Variants in TBC1D30 observed in about 807,000 individuals in gnomAD.
TBC1D30 encodes the protein TBC1 domain family, member 30.
Under a neutral mutation model 63.2 loss-of-function variants are expected in TBC1D30, and 31 were observed. That is an observed-to-expected ratio of 0.49 (90% CI 0.37 to 0.66). The LOEUF is 0.66. TBC1D30 is among the 30% of genes least tolerant of loss of function. TBC1D30 has a pLI of 0.00. For synonymous variants in TBC1D30, 307 were observed against 361.5 expected (o/e 0.85, Z 1.71); for missense variants, 810 against 953.6 (o/e 0.85, Z 1.98).
chr12:64,869,513 C>T (rs938458214), intron 10 of TBC1D30, among the ~76,000 whole-genome samples: 1 of 152,284 alleles, frequency 6.6e-6, no homozygotes, highest in East Asian at 1.9e-4. Flanking sequence ...CTTCTACCCC[C>T]TTTCTTATTG....
chr12:64,826,069 CT>C (rs75131281), intron 1 of TBC1D30, among the ~76,000 whole-genome samples: 3,868 of 150,096 alleles, frequency 0.026, 71 homozygotes, highest in Middle Eastern at 0.052. Context: ...TCCTTTACCT[CT>C]TTTTTTTTTC....
At chr12:64,805,824 C>G (rs1872836107) in intron 2 of TBC1D30, among the ~76,000 whole-genome samples, 1 of 151,884 alleles carries the variant, frequency 6.6e-6, no homozygotes, top group Non-Finnish European at 1.5e-5. Context: ...CAGAGTGAGA[C>G]TCTGTCTCAA....
Position 64,830,503 on chromosome 12 carries a change from G to A in TBC1D30, c.408+1G>A, listed in dbSNP as rs766834131. On this transcript the variant is annotated splice_donor_variant, in intron 4 of 11. Transcript: ENST00000539867. LOFTEE classifies it high-confidence loss of function. ...CTCCATGGGAATTCAGATAGTCAAG[G>A]TAATGCCCCTGAACTTGGCCTGTCA... 1.3e-6 allele frequency: 2 copies of A among 1,527,410 alleles called. No individual in the cohort carries two copies. Among genetic ancestry groups the A allele is most frequent in the Non-Finnish European group, 1.8e-6 (2 of 1,140,598 alleles). The allele number at this position is 1,527,410 out of a possible 1,614,324, so 94.6% of individuals were successfully genotyped here. A position where few individuals can be genotyped will look rare whatever the true frequency, so the allele number is the denominator to read the frequency against.
intron 1 of TBC1D30, among the ~76,000 whole-genome samples, chr12:64,772,116 G>T (rs987038733): frequency 1.3e-5 from 2 of 151,840 alleles, no homozygotes; most frequent in East Asian, 2.0e-4. Context: ...TTAGCTGGGC[G>T]TGGTGGCACA....
chr12:64,790,869 TA>T (rs1227275707), intron 2 of TBC1D30, among the ~76,000 whole-genome samples: 2 of 152,158 alleles, frequency 1.3e-5, no homozygotes, highest in Non-Finnish European at 2.9e-5. Context: ...CATTTTCCAC[TA>T]AAAGACAATT....
Position 64,876,656 on chromosome 12 carries a change from A to G in TBC1D30, c.*868A>G, listed in dbSNP as rs7311657. On this transcript the variant is annotated 3_prime_UTR_variant, in exon 12 of 12. Transcript: ENST00000539867. ...CAGCTCACTCACCCACCAGCTCTAG[A>G]CTGCAGACGCACAAGGCCTCTGCTC... The G allele has an allele frequency of 0.46, 182,925 of 396,660 alleles. 44,095 individuals carry two copies. The highest frequency in any genetic ancestry group is 0.75 in the East Asian group (10,372 of 13,920). The allele number at this position is 396,660 out of a possible 1,614,324, so 24.6% of individuals were successfully genotyped here. A position where few individuals can be genotyped will look rare whatever the true frequency, so the allele number is the denominator to read the frequency against.
At chr12:64,810,652 A>G (rs1350144) in intron 2 of TBC1D30, among the ~76,000 whole-genome samples, 83,268 of 152,076 alleles carry the variant, frequency 0.55, 24,081 homozygotes, top group East Asian at 0.9. Flanking sequence ...TACTGACCTA[A>G]TGCTATGTAA....
At chr12:64,784,319 T>G (rs1166650238) in intron 1 of TBC1D30, among the ~76,000 whole-genome samples, 1 of 152,088 alleles carries the variant, frequency 6.6e-6, no homozygotes, top group African/African-American at 2.4e-5. Context: ...CCAAAAGCAG[T>G]CCTTTTTAAC....
In TBC1D30 at chr12:64,836,476, C is replaced by A; in HGVS notation, c.595-14C>A. On this transcript the variant is annotated splice_polypyrimidine_tract_variant and intron_variant, in intron 5 of 11. Coordinates refer to ENST00000539867, the MANE Select transcript of TBC1D30 (RefSeq NM_015279.2). Reference sequence around the variant, plus strand: ...TTTACAAAGCAGTCTTAAGCTTTATCTTTTTTTCTTTAGATTATGATTTAC... The same window carrying A: ...TTTACAAAGCAGTCTTAAGCTTTATATTTTTTTCTTTAGATTATGATTTAC... 1 of 1,530,654 alleles carries A rather than the reference C, an allele frequency of 6.5e-7. No homozygotes were observed. The highest frequency in any genetic ancestry group is 8.7e-7 in the Non-Finnish European group (1 of 1,143,286). 94.8% of individuals were successfully genotyped at this position (1,530,654 alleles called of 1,614,324 possible).
chr12:64,802,749 T>C (rs1872655266), intron 2 of TBC1D30, among the ~76,000 whole-genome samples: 1 of 152,188 alleles, frequency 6.6e-6, no homozygotes, highest in Non-Finnish European at 1.5e-5. Context: ...ATGTGGTGTT[T>C]GGTTTTCTGT....
chr12:64,850,068 C>T (rs1351734425), intron 8 of TBC1D30, among the ~76,000 whole-genome samples: 1 of 152,168 alleles, frequency 6.6e-6, no homozygotes, highest in Non-Finnish European at 1.5e-5. Context: ...ATTTGGCTCT[C>T]TGTTTGTCTG....
chr12:64,871,319 TA>T (rs1288151915), intron 11 of TBC1D30, among the ~76,000 whole-genome samples: 1 of 152,202 alleles, frequency 6.6e-6, no homozygotes, highest in African/African-American at 2.4e-5. Flanking sequence ...AGAACACAAT[TA>T]TAATGCAATT....
chr12:64,796,198 T>C (rs951863809), intron 2 of TBC1D30, among the ~76,000 whole-genome samples: 3 of 151,880 alleles, frequency 2.0e-5, no homozygotes, highest in African/African-American at 7.3e-5. Context: ...ATGACCTCGT[T>C]ATAAAGGGGT....
At chr12:64,824,600 T>G, upstream of TBC1D30, 2 of 317,272 alleles carry the variant, frequency 6.3e-6, no homozygotes. Flanking sequence ...ACGCGCTCGC[T>G]CGCTCGCTCG....
intron 8 of TBC1D30, among the ~76,000 whole-genome samples, chr12:64,847,402 A>G (rs1245942358): frequency 6.7e-6 from 1 of 149,224 alleles, no homozygotes; most frequent in Non-Finnish European, 1.5e-5. Context: ...TCTGATCTTT[A>G]TTGTTTCTTC....
At chr12:64,862,427 A>G (rs1877868100) in intron 8 of TBC1D30, among the ~76,000 whole-genome samples, 1 of 152,252 alleles carries the variant, frequency 6.6e-6, no homozygotes, top group Non-Finnish European at 1.5e-5. Flanking sequence ...GTAGAGGATG[A>G]AAGTGCAATG....
intron 5 of TBC1D30, among the ~76,000 whole-genome samples, chr12:64,833,646 C>T (rs1447650008): frequency 6.6e-6 from 1 of 152,122 alleles, no homozygotes; most frequent in Admixed American, 6.6e-5. Context: ...TGGTTTTATA[C>T]AAATGATGGT....
At chr12:64,826,180 A>G (rs76781151) in intron 1 of TBC1D30, among the ~76,000 whole-genome samples, 2,660 of 152,190 alleles carry the variant, frequency 0.017, 33 homozygotes, top group Non-Finnish European at 0.025. Context: ...CTCTGCCCGT[A>G]TTCTGTTAGA....
intron 1 of TBC1D30, among the ~76,000 whole-genome samples, chr12:64,781,496 G>A (rs1871285319): frequency 6.6e-6 from 1 of 152,154 alleles, no homozygotes; most frequent in Non-Finnish European, 1.5e-5. Flanking sequence ...AGCGTCAGTT[G>A]ATGGAGTGGG....
Sources: allele counts gnomAD v4.1 joint callset (sites outside exome capture counted in the v4.1 genomes callset), GRCh38; gene constraint gnomAD v4.1.1; transcripts MANE v1.5; gene names NCBI Gene and HGNC (gene_info 2026-07-23, HGNC 2026-07-21).